Variants in HIVEP2 observed in about 807,000 individuals in gnomAD.
HIVEP2 encodes transcription factor HIVEP2.
HIVEP2 carries 14 observed loss-of-function variants against 180.7 expected under a neutral mutation model. The ratio of observed to expected loss-of-function variants is 0.08; its 90% CI spans 0.05 to 0.12. The LOEUF (loss-of-function observed/expected upper bound fraction) is 0.12, where lower values mean the gene tolerates loss of function less well. Ranked by LOEUF, HIVEP2 falls within the 10% of genes least tolerant of loss-of-function variation. The pLI, the probability that HIVEP2 is intolerant of heterozygous loss-of-function variation, is 1.00. For missense variants in HIVEP2, 2,579 were observed against 3,008.5 expected (o/e 0.86, Z 3.34); for synonymous variants, 1,184 against 1,136.4 (o/e 1.04, Z -0.84).
Position 142,772,550 on chromosome 6 carries a change from G to A in HIVEP2, c.2189C>T (p.Pro730Leu). 6.2e-7 allele frequency: 1 copy of A among 1,614,126 alleles called. No individual in the cohort carries two copies. The highest frequency in any genetic ancestry group is 8.5e-7 in the Non-Finnish European group (1 of 1,180,020). ...GACTCCTTCCTGCATCTGCAGTTTGGGGTCATAATCGGAAGCCATGATGCC... is the reference window on the plus strand; with the variant it reads ...GACTCCTTCCTGCATCTGCAGTTTGAGGTCATAATCGGAAGCCATGATGCC... ...PVGIMASDYD[P>L]KLQMQEGVRS... Residue 730 changes from proline to leucine, a missense_variant, in exon 5 of 10, where the codon CCC becomes CTC. This residue lies in a region of HIVEP2 where 524 missense variants were observed against 563.6 expected (regional missense o/e 0.93). Coordinates refer to ENST00000367603, the MANE Select transcript of HIVEP2 (RefSeq NM_006734.4). This position sits in a 1 kb window ranked among gnomAD's most constrained non-coding sequence, Gnocchi z 4.9.
chr6:142,794,449 C>G (rs1371419277), intron 2 of HIVEP2, among the ~76,000 whole-genome samples: 3 of 152,120 alleles, frequency 2.0e-5, no homozygotes, highest in Non-Finnish European at 4.4e-5. Flanking sequence ...TGAATATGTG[C>G]CTTTTCCTTA....
intron 1 of HIVEP2, among the ~76,000 whole-genome samples, chr6:142,897,034 T>C (rs540225081): frequency 2.5e-4 from 38 of 152,168 alleles, no homozygotes; most frequent in Non-Finnish European, 4.6e-4. Context: ...ATTCTCATTG[T>C]TTCAATATTG....
chr6:142,944,429 A>C (rs1004248024), intron 1 of HIVEP2, among the ~76,000 whole-genome samples: 11 of 123,578 alleles, frequency 8.9e-5, no homozygotes, highest in East Asian at 7.7e-4. Context: ...CCACACACCC[A>C]CACACACACA....
At chr6:142,842,450 G>A (rs150316031) in intron 1 of HIVEP2, among the ~76,000 whole-genome samples, 19 of 152,064 alleles carry the variant, frequency 1.2e-4, no homozygotes, top group African/African-American at 4.6e-4. Context: ...GGGAAGAGAA[G>A]GACAAAAAGA....
intron 1 of HIVEP2, among the ~76,000 whole-genome samples, chr6:142,917,826 A>C (rs767639692): frequency 2.6e-5 from 4 of 152,138 alleles, no homozygotes; most frequent in Non-Finnish European, 5.9e-5. Flanking sequence ...CCCAGGCTAC[A>C]GCGCAGTGGA....
intron 1 of HIVEP2, among the ~76,000 whole-genome samples, chr6:142,895,280 A>G (rs1232793723): frequency 6.6e-6 from 1 of 152,074 alleles, no homozygotes; most frequent in African/African-American, 2.4e-5. Context: ...TTTTTTTTAA[A>G]CAATAAAAAT....
chr6:142,929,590 C>T (rs1005613124), intron 1 of HIVEP2, among the ~76,000 whole-genome samples: 4 of 152,092 alleles, frequency 2.6e-5, no homozygotes, highest in Admixed American at 1.3e-4. Context: ...TACACTTTCT[C>T]TTTAGAAAAA....
At chr6:142,929,103 T>C (rs1354892707) in intron 1 of HIVEP2, among the ~76,000 whole-genome samples, 1 of 152,260 alleles carries the variant, frequency 6.6e-6, no homozygotes, top group Non-Finnish European at 1.5e-5. Flanking sequence ...ATTAAATCTC[T>C]GCAGCAATTC....
intron 1 of HIVEP2, among the ~76,000 whole-genome samples, chr6:142,843,522 G>A (rs778482559): frequency 1.3e-5 from 2 of 152,160 alleles, no homozygotes; most frequent in African/African-American, 4.8e-5. Context: ...AGGGGTGGAT[G>A]TAGAGAAAGA....
chr6:142,910,088 C>G (rs1316616475), intron 1 of HIVEP2, among the ~76,000 whole-genome samples: 2 of 152,186 alleles, frequency 1.3e-5, no homozygotes, highest in Non-Finnish European at 2.9e-5. Flanking sequence ...ATCATCAAGC[C>G]TATTAAAACT....
At chr6:142,922,698 C>A (rs1180131190) in intron 1 of HIVEP2, among the ~76,000 whole-genome samples, 2 of 152,292 alleles carry the variant, frequency 1.3e-5, no homozygotes, top group Non-Finnish European at 2.9e-5. Flanking sequence ...AGCTCTGAAA[C>A]CCACAGTTCT....
At chr6:142,912,054 G>A (rs1777423788) in intron 1 of HIVEP2, among the ~76,000 whole-genome samples, 1 of 152,210 alleles carries the variant, frequency 6.6e-6, no homozygotes, top group Admixed American at 6.5e-5. Context: ...AGTGACAGCA[G>A]GTTTCCTCTG....
intron 1 of HIVEP2, among the ~76,000 whole-genome samples, chr6:142,873,166 CA>C (rs1476949836): frequency 1.3e-5 from 2 of 152,194 alleles, no homozygotes; most frequent in African/African-American, 2.4e-5. Context: ...CTGCCTTCAA[CA>C]CTCAGCAGTA....
intron 2 of HIVEP2, among the ~76,000 whole-genome samples, chr6:142,810,187 A>C (rs1214195969): frequency 6.6e-6 from 1 of 152,214 alleles, no homozygotes; most frequent in Non-Finnish European, 1.5e-5. Context: ...GCTCCCAGCC[A>C]TTGGTTGTTG....
intron 1 of HIVEP2, among the ~76,000 whole-genome samples, chr6:142,905,853 C>T (rs971315671): frequency 5.3e-5 from 8 of 152,156 alleles, no homozygotes; most frequent in African/African-American, 1.4e-4. Context: ...ATAATCAGTC[C>T]GGGCGTGGTG....
chr6:142,796,538 C>T (rs552004), intron 2 of HIVEP2, among the ~76,000 whole-genome samples: 79,936 of 151,852 alleles, frequency 0.53, 22,070 homozygotes, highest in South Asian at 0.62. Flanking sequence ...TTATTGATCC[C>T]ATTAAGTTTT....
chr6:142,812,186 G>A (rs1226790360), intron 2 of HIVEP2, among the ~76,000 whole-genome samples: 1 of 152,168 alleles, frequency 6.6e-6, no homozygotes, highest in Non-Finnish European at 1.5e-5. Flanking sequence ...TACACCGAGC[G>A]AAATCCAAAG....
intron 1 of HIVEP2, among the ~76,000 whole-genome samples, chr6:142,944,491 C>T (rs987081515): frequency 2.6e-5 from 4 of 151,840 alleles, no homozygotes; most frequent in African/African-American, 7.3e-5. Flanking sequence ...CCTACCAGTA[C>T]CAGAGGCACA....
At chr6:142,876,242 T>C (rs183660049) in intron 1 of HIVEP2, among the ~76,000 whole-genome samples, 6 of 152,208 alleles carry the variant, frequency 3.9e-5, no homozygotes, top group East Asian at 3.9e-4. Flanking sequence ...AAAGATAAAT[T>C]TGAGGAGTTT....
Sources: gnomAD v4.1 joint callset for allele counts (sites outside exome capture counted in the v4.1 genomes callset) on GRCh38, gnomAD v4.1.1 for gene constraint, gnomAD v4.1.1 regional missense constraint, Gnocchi (gnomAD v3.1) non-coding constraint, MANE v1.5 for transcripts, NCBI Gene and HGNC (gene_info 2026-07-23, HGNC 2026-07-21) for gene names.